The following RRP1B variants were observed in gnomAD, a reference collection of about 807,000 sequenced individuals.
The protein encoded by RRP1B is ribosomal RNA processing 1B, also known as ribosomal RNA processing protein 1 homolog B.
In RRP1B, 56 loss-of-function variants were observed where a neutral mutation model predicts 80.2. The observed-to-expected ratio is 0.70, with a 90% confidence interval of 0.56 to 0.87. The LOEUF is 0.87. Ranked by LOEUF, RRP1B falls within the 40% of genes least tolerant of loss-of-function variation. The pLI, the probability that RRP1B is intolerant of heterozygous loss-of-function variation, is 0.00. For missense variants in RRP1B, 807 were observed against 939.8 expected (o/e 0.86, Z 1.85); for synonymous variants, 351 against 357.6 (o/e 0.98, Z 0.21).
Position 43,687,536 on chromosome 21 carries a change from G to A in RRP1B, c.1162G>A (p.Glu388Lys). Reference sequence around the variant, plus strand: ...TTTAGGAAGCAGAGTCTTTTGTGTAGAGGAAGAGGACAGTGAAAGCAGTCT... The same window carrying A: ...TTTAGGAAGCAGAGTCTTTTGTGTAAAGGAAGAGGACAGTGAAAGCAGTCT... ...KEKGSRVFCV[E>K]EEDSESSLQK... Residue 388 changes from glutamate to lysine, a missense_variant, in exon 13 of 16, where the codon GAG becomes AAG. Physicochemically the swap from Glu to Lys is moderately conservative, Grantham distance 56. Coordinates refer to ENST00000340648, the MANE Select transcript of RRP1B (RefSeq NM_015056.3). 8 of 1,492,432 alleles carry A rather than the reference G, an allele frequency of 5.4e-6. No individual in the cohort carries two copies. Among genetic ancestry groups the A allele is most frequent in the Non-Finnish European group, 7.1e-6 (8 of 1,128,422 alleles). The allele number at this position is 1,492,432 out of a possible 1,614,324, so 92.4% of individuals were successfully genotyped here.
chr21:43,693,689 T>C lies in RRP1B; in HGVS notation c.*306T>C. 1 of 294,608 alleles carries C rather than the reference T, an allele frequency of 3.4e-6. No individual in the cohort carries two copies. Among genetic ancestry groups the C allele is most frequent in the Non-Finnish European group, 6.2e-6 (1 of 162,116 alleles). 18.2% of individuals were successfully genotyped at this position (294,608 alleles called of 1,614,324 possible). ...CCTCTCTGAAGCTGAGGAGAGCACG[T>C]TGATCTGAACTTTAAATCAATCAGT... On this transcript the variant is annotated 3_prime_UTR_variant, in exon 16 of 16. Transcript: ENST00000340648. This position sits in a 1 kb window ranked among gnomAD's most constrained non-coding sequence, Gnocchi z 4.1.
chr21:43,682,847 A>G (rs1243936787), intron 8 of RRP1B, among the ~76,000 whole-genome samples: 1 of 152,222 alleles, frequency 6.6e-6, no homozygotes, highest in Non-Finnish European at 1.5e-5. Context: ...ATGGCTTTGC[A>G]GAGTTTTTCT....
Position 43,659,791 on chromosome 21 carries a change from A to G in RRP1B, c.127A>G (p.Thr43Ala), listed in dbSNP as rs1300291753. 6.7e-7 allele frequency: 1 copy of G among 1,499,852 alleles called. No individual in the cohort carries two copies. Among genetic ancestry groups the G allele is most frequent in the Non-Finnish European group, 8.9e-7 (1 of 1,119,146 alleles). The allele number at this position is 1,499,852 out of a possible 1,614,324, so 92.9% of individuals were successfully genotyped here. ...CATCAGCGTGAAGACGCAGAGGGAG[A>G]CAGGTGGGCGCACGGCCGCGGTCAG... Reference protein sequence around the residue: ...QYISVKTQRETGGFSQEELLK... With the variant: ...QYISVKTQREAGGFSQEELLK... The change falls in exon 1 of 16, where the codon ACA becomes GCA. Residue 43 changes from threonine (T) to alanine (A), a missense_variant. Transcript: ENST00000340648. The surrounding 1 kb of genome is among the most constrained non-coding windows in gnomAD (Gnocchi z 4.2).
At position 43,676,323 on chromosome 21, in the gene RRP1B, G is replaced by T. The variant is rs2083022343; in HGVS notation, c.601G>T (p.Ala201Ser). 6.2e-7 allele frequency: 1 copy of T among 1,612,164 alleles called. No individual in the cohort carries two copies. The highest frequency in any genetic ancestry group is 8.5e-7 in the Non-Finnish European group (1 of 1,178,486). ...TATCGATCCATTCTGCAAAATTGCT[G>T]CGAAGACGAAGGAGTAAGTGATTCC... is the stretch of plus-strand genomic sequence containing the variant. ...KFIDPFCKIA[A>S]KTKDHTLVQT... The change falls in exon 7 of 16, where the codon GCG (alanine) becomes TCG (serine). Residue 201 changes from alanine to serine, a missense_variant. Ala to Ser is a moderately conservative substitution (Grantham distance 99, BLOSUM62 1). Coordinates refer to ENST00000340648, the MANE Select transcript of RRP1B (RefSeq NM_015056.3).
In RRP1B at chr21:43,683,377, G is replaced by A. The variant is rs1399770151; in HGVS notation, c.891+4G>A. The A allele has an allele frequency of 1.1e-5, 18 of 1,610,884 alleles. No individual in the cohort carries two copies. The highest frequency in any genetic ancestry group is 1.5e-5 in the Non-Finnish European group (18 of 1,177,228). On this transcript the variant is annotated splice_donor_region_variant and intron_variant, in intron 9 of 15. Transcript: ENST00000340648. ...GGACACAGGGCCCCTTCTCCAGGTG[G>A]GTAGCAGTTGTTGCTTTTTATAGAA...
intron 14 of RRP1B, among the ~76,000 whole-genome samples, chr21:43,690,976 G>C (rs887039986): frequency 6.6e-6 from 1 of 152,210 alleles, no homozygotes; most frequent in Non-Finnish European, 1.5e-5. Flanking sequence ...CATAGGCATC[G>C]TCTCATCGAT....
chr21:43,682,530 A>G (rs2083047462), intron 8 of RRP1B, among the ~76,000 whole-genome samples: 1 of 152,214 alleles, frequency 6.6e-6, no homozygotes, highest in Non-Finnish European at 1.5e-5. Flanking sequence ...AAGTGACTGT[A>G]CTGCTGTGAC....
chr21:43,688,295 A>G, intron 13 of RRP1B, 55 bp downstream of exon 13: 2 of 1,473,088 alleles, frequency 1.4e-6, no homozygotes, highest in South Asian at 2.8e-5. Flanking sequence ...ACTCGCGTCC[A>G]TGGGGCTCCA....
chr21:43,676,967 A>G (rs2083025427), intron 8 of RRP1B, 53 bp downstream of exon 8: 2 of 1,552,934 alleles, frequency 1.3e-6, no homozygotes. Flanking sequence ...AATCCTCCTC[A>G]GACAAACAGT....
At chr21:43,689,975 T>C (rs2236666) in intron 13 of RRP1B, among the ~76,000 whole-genome samples, 110,843 of 152,294 alleles carry the variant, frequency 0.73, 41,616 homozygotes, top group African/African-American at 0.91. Context: ...AATGGGAGAG[T>C]CGATCTTATT....
At position 43,691,845 on chromosome 21, in the gene RRP1B, C is replaced by T. The variant is rs1163571841; in HGVS notation, c.2083+343C>T. The stretch of plus-strand genomic sequence containing the variant: ...TATTTTTAGTAAAGATGGAGTTTCA[C>T]CATGTCAGCCAGGCTGGTCTCAAAC... On this transcript the variant is annotated intron_variant, in intron 15 of 15. Transcript: ENST00000340648. This position sits in a 1 kb window ranked among gnomAD's most constrained non-coding sequence, Gnocchi z 4.2. Among the ~76,000 whole-genome samples, 1 of 152,056 alleles carries T rather than the reference C, an allele frequency of 6.6e-6. No individual in the cohort carries two copies. The highest frequency in any genetic ancestry group is 1.5e-5 in the Non-Finnish European group (1 of 68,018).
chr21:43,686,617 G>A, intron 11 of RRP1B, 187 bp from the exon 12 acceptor site: 1 of 621,988 alleles, frequency 1.6e-6, no homozygotes, highest in Non-Finnish European at 2.6e-6. Flanking sequence ...GCCTTGCCTT[G>A]GTTGAGAAAT....
intron 3 of RRP1B, among the ~76,000 whole-genome samples, chr21:43,673,202 A>C (rs1047453321): frequency 3.9e-5 from 6 of 152,242 alleles, no homozygotes; most frequent in African/African-American, 7.2e-5. Flanking sequence ...AGGAAGAGTT[A>C]CTAGAAGTGG....
chr21:43,687,413 AT>A, intron 12 of RRP1B, 102 bp from the exon 13 acceptor site: 1 of 1,305,496 alleles, frequency 7.7e-7, no homozygotes, highest in East Asian at 2.4e-5. Flanking sequence ...TCGTGGTAGA[AT>A]GTCAGGAAAT....
chr21:43,687,958 A>G lies in RRP1B; in HGVS notation c.1584A>G (p.Gly528=). Reference sequence around the variant, plus strand: ...TCCTAAAAAGGAAGCGGAAACTTGGAGTTGTGCCCGTCAATGGCAGTGGCC... The same window carrying G: ...TCCTAAAAAGGAAGCGGAAACTTGGGGTTGTGCCCGTCAATGGCAGTGGCC... ...AQLLKRKRKL[G]VVPVNGSGLS... Residue 528 remains glycine (G), a synonymous_variant, in exon 13 of 16, where the codon GGA becomes GGG. Coordinates refer to ENST00000340648, the MANE Select transcript of RRP1B (RefSeq NM_015056.3). 1 of 1,613,204 alleles carries G rather than the reference A, an allele frequency of 6.2e-7. No homozygotes were observed. The highest frequency in any genetic ancestry group is 8.5e-7 in the Non-Finnish European group (1 of 1,180,034).
chr21:43,684,626 A>G lies in RRP1B; in HGVS notation c.965A>G (p.Lys322Arg), dbSNP rs758097398. The G allele has an allele frequency of 2.4e-5, 38 of 1,614,042 alleles. 1 individual carries two copies. The South Asian group carries it at 4.1e-4, about 17-fold the overall frequency. The change falls in exon 10 of 16, where the codon AAG (lysine) becomes AGG (arginine). Residue 322 changes from lysine (K) to arginine (R), a missense_variant. Transcript: ENST00000340648. Reference sequence around the variant, plus strand: ...AAGAACACGCCCCACTTCAACAGGAAGCGCCTCTCCAAACTCATCAAGAAG... The same window carrying G: ...AAGAACACGCCCCACTTCAACAGGAGGCGCCTCTCCAAACTCATCAAGAAG... ...SRKNTPHFNR[K>R]RLSKLIKKFQ...
intron 6 of RRP1B, 51 bp from the exon 7 acceptor site, chr21:43,676,221 G>A (rs1479906458): frequency 1.1e-5 from 15 of 1,345,482 alleles, no homozygotes; most frequent in Non-Finnish European, 1.5e-5. Context: ...TCAAGGACAT[G>A]TCAAGAAGGG....
Position 43,690,308 on chromosome 21 carries a change from T to A in RRP1B, c.1887T>A (p.Ser629Arg). 1 of 1,614,196 alleles carries A rather than the reference T, an allele frequency of 6.2e-7. No homozygotes were observed. The highest frequency in any genetic ancestry group is 8.5e-7 in the Non-Finnish European group (1 of 1,180,010). ...CGTAGGGAAGCAGTGGGACTTGCAG[T>A]TCCCTGAAGAAGCAGAAGCTGAGGG... ...PQALGSSGTC[S>R]SLKKQKLRAE... The change falls in exon 14 of 16, where the codon AGT becomes AGA. Residue 629 changes from serine (S) to arginine (R), a missense_variant. Transcript: ENST00000340648.
At chr21:43,675,196 G>A (rs2083016980) in intron 6 of RRP1B, 33 bp downstream of exon 6, 3 of 1,607,988 alleles carry the variant, frequency 1.9e-6, no homozygotes, top group East Asian at 2.2e-5. Context: ...CCCACGGGGT[G>A]AGGGGGCCGC....
Sources: gnomAD v4.1 joint callset for allele counts (sites outside exome capture counted in the v4.1 genomes callset) on GRCh38, gnomAD v4.1.1 for gene constraint, Gnocchi (gnomAD v3.1) non-coding constraint, MANE v1.5 for transcripts, NCBI Gene and HGNC (gene_info 2026-07-23, HGNC 2026-07-21) for gene names.